Variants in KCTD8 observed in about 807,000 individuals in gnomAD.
The protein encoded by KCTD8 is BTB/POZ domain-containing protein KCTD8.
A neutral mutation model predicts 31.5 loss-of-function variants in KCTD8; 27 were observed. The ratio of observed to expected loss-of-function variants is 0.86; its 90% CI spans 0.63 to 1.18. The LOEUF (loss-of-function observed/expected upper bound fraction) is 1.18. Ranked by LOEUF, KCTD8 falls within the 50% of genes most tolerant of loss-of-function variation. KCTD8 has a pLI of 0.00. For synonymous variants in KCTD8, 290 were observed against 280.0 expected (o/e 1.04, Z -0.36); for missense variants, 658 against 647.7 (o/e 1.02, Z -0.17).
intron 1 of KCTD8, among the ~76,000 whole-genome samples, chr4:44,385,339 G>T (rs940550224): frequency 7.9e-5 from 12 of 151,572 alleles, no homozygotes; most frequent in Non-Finnish European, 8.9e-5. Context: ...GTGTGATACT[G>T]GCATAAAGAT....
At chr4:44,400,415 A>G (rs1720617784) in intron 1 of KCTD8, among the ~76,000 whole-genome samples, 1 of 133,694 alleles carries the variant, frequency 7.5e-6, no homozygotes, top group South Asian at 2.1e-4. Flanking sequence ...ACTGGAGAGA[A>G]AAAAAAAAAT....
intron 1 of KCTD8, among the ~76,000 whole-genome samples, chr4:44,338,573 C>T (rs1352327206): frequency 6.6e-6 from 1 of 152,126 alleles, no homozygotes. Context: ...GATATGCTCT[C>T]AGGATATTAA....
chr4:44,309,972 T>C (rs973061193), intron 1 of KCTD8, among the ~76,000 whole-genome samples: 6 of 152,120 alleles, frequency 3.9e-5, no homozygotes, highest in African/African-American at 1.4e-4. Flanking sequence ...AGGATCTATA[T>C]CATTTTCAAA....
At chr4:44,297,708 G>T (rs866898952) in intron 1 of KCTD8, among the ~76,000 whole-genome samples, 1 of 152,072 alleles carries the variant, frequency 6.6e-6, no homozygotes, top group Admixed American at 6.5e-5. Context: ...GATATGGTAG[G>T]TCTTAGATTC....
chr4:44,448,021 T>G lies in KCTD8; in HGVS notation c.503A>C (p.Asn168Thr), dbSNP rs1254635444. The G allele has an allele frequency of 6.2e-7, 1 of 1,602,930 alleles. No individual in the cohort carries two copies. The highest frequency in any genetic ancestry group is 8.5e-7 in the Non-Finnish European group (1 of 1,175,108). ...DEGCQSDLED[N>T]VSQGSSDALL... The stretch of plus-strand genomic sequence containing the variant: ...CGCGTCGCTGCTACCCTGCGAGACG[T>G]TGTCCTCCAGGTCGCTCTGGCAGCC... The change falls in exon 1 of 2, where the codon AAC (asparagine) becomes ACC (threonine). Residue 168 changes from asparagine to threonine, a missense_variant. Asn to Thr is a moderately conservative substitution (Grantham distance 65, BLOSUM62 0). Transcript: ENST00000360029. The surrounding 1 kb of genome is among the most constrained non-coding windows in gnomAD (Gnocchi z 4.1).
intron 1 of KCTD8, among the ~76,000 whole-genome samples, chr4:44,240,609 G>A (rs1327023514): frequency 6.6e-6 from 1 of 152,152 alleles, no homozygotes; most frequent in Admixed American, 6.5e-5. Context: ...GAGTAGCTGG[G>A]ACGACAGGTT....
chr4:44,207,632 T>C lies in KCTD8; in HGVS notation c.962-32382A>G, dbSNP rs73811978. The stretch of plus-strand genomic sequence containing the variant: ...AGTACAAAATAGGTTTTTCACCAAA[T>C]GTGTGTGTCAACATGTCAATATGTA... On this transcript the variant is annotated intron_variant, in intron 1 of 1. Transcript: ENST00000360029. 2.8e-3 allele frequency among the ~76,000 whole-genome samples: 420 copies of C among 152,326 alleles called. 3 individuals carry two copies. The highest frequency in any genetic ancestry group is 9.2e-3 in the African/African-American group (382 of 41,588).
chr4:44,437,613 G>C (rs1415038285), intron 1 of KCTD8, among the ~76,000 whole-genome samples: 2 of 151,922 alleles, frequency 1.3e-5, no homozygotes, highest in African/African-American at 4.8e-5. Context: ...TTTATTAATA[G>C]CAATATACTC....
intron 1 of KCTD8, among the ~76,000 whole-genome samples, chr4:44,290,659 G>A (rs930373228): frequency 6.6e-6 from 1 of 151,946 alleles, no homozygotes; most frequent in African/African-American, 2.4e-5. Flanking sequence ...CAAGAAGAAC[G>A]CTCAAAACTA....
At chr4:44,388,592 A>C (rs957618083) in intron 1 of KCTD8, among the ~76,000 whole-genome samples, 1 of 151,862 alleles carries the variant, frequency 6.6e-6, no homozygotes, top group Non-Finnish European at 1.5e-5. Flanking sequence ...TCCTTAGCAA[A>C]CTACACAGGA....
chr4:44,219,100 T>C (rs1714734145), intron 1 of KCTD8, among the ~76,000 whole-genome samples: 1 of 152,188 alleles, frequency 6.6e-6, no homozygotes, highest in South Asian at 2.1e-4. Context: ...TCTGAAAATA[T>C]CCTTGGTGGG....
chr4:44,413,874 G>A (rs532439354), intron 1 of KCTD8, among the ~76,000 whole-genome samples: 9 of 152,212 alleles, frequency 5.9e-5, no homozygotes, highest in Admixed American at 4.6e-4. Context: ...ACAAAAGAGA[G>A]GGACAGGAAA....
intron 1 of KCTD8, among the ~76,000 whole-genome samples, chr4:44,374,570 G>C (rs1050478045): frequency 6.6e-6 from 1 of 152,092 alleles, no homozygotes; most frequent in African/African-American, 2.4e-5. Flanking sequence ...CTTTTGATCT[G>C]TCTTGGGTTT....
chr4:44,406,956 C>T (rs552670856), intron 1 of KCTD8, among the ~76,000 whole-genome samples: 20 of 152,154 alleles, frequency 1.3e-4, no homozygotes, highest in Non-Finnish European at 2.5e-4. Flanking sequence ...ATCTTGAATG[C>T]TAAATGCATA....
At chr4:44,345,793 G>T (rs1247708252) in intron 1 of KCTD8, among the ~76,000 whole-genome samples, 1 of 151,936 alleles carries the variant, frequency 6.6e-6, no homozygotes, top group Non-Finnish European at 1.5e-5. Context: ...ATATTTTTGA[G>T]TACAAGATTT....
chr4:44,272,150 A>AC (rs1190613112), intron 1 of KCTD8, among the ~76,000 whole-genome samples: 2 of 140,228 alleles, frequency 1.4e-5, no homozygotes, highest in African/African-American at 6.4e-5. Flanking sequence ...TAAATGCTGA[A>AC]CCATAAGTAA....
chr4:44,286,976 C>A (rs978841790), intron 1 of KCTD8, among the ~76,000 whole-genome samples: 1 of 152,004 alleles, frequency 6.6e-6, no homozygotes, highest in Non-Finnish European at 1.5e-5. Flanking sequence ...GGTTAAGCAA[C>A]CTAGCAGATG....
chr4:44,344,555 A>T (rs1718991149), intron 1 of KCTD8, among the ~76,000 whole-genome samples: 1 of 152,176 alleles, frequency 6.6e-6, no homozygotes, highest in Non-Finnish European at 1.5e-5. Flanking sequence ...TGCATAGACT[A>T]TTGGGACACT....
At chr4:44,302,205 T>C (rs1021969426) in intron 1 of KCTD8, among the ~76,000 whole-genome samples, 7 of 152,158 alleles carry the variant, frequency 4.6e-5, no homozygotes, top group African/African-American at 1.2e-4. Flanking sequence ...TTGCGGGCTC[T>C]TTTTTGATTC....
Sources: gnomAD v4.1 joint callset for allele counts (sites outside exome capture counted in the v4.1 genomes callset) on GRCh38, gnomAD v4.1.1 for gene constraint, Gnocchi (gnomAD v3.1) non-coding constraint, MANE v1.5 for transcripts, NCBI Gene and HGNC (gene_info 2026-07-23, HGNC 2026-07-21) for gene names.